MRGPRX3: variants seen among roughly 807,000 people sequenced by gnomAD.
The protein encoded by MRGPRX3 is MAS related GPR family member X3, also known as mas-related G protein-coupled receptor member X3.
A neutral mutation model predicts 16.5 loss-of-function variants in MRGPRX3; 14 were observed. The ratio of observed to expected loss-of-function variants is 0.85; its 90% CI spans 0.56 to 1.33. The LOEUF (loss-of-function observed/expected upper bound fraction) is 1.33, where lower values mean the gene tolerates loss of function less well. MRGPRX3 is among the 40% of genes most tolerant of loss of function. The pLI, the probability that MRGPRX3 is intolerant of heterozygous loss-of-function variation, is 0.00. For synonymous variants in MRGPRX3, 199 were observed against 180.1 expected (o/e 1.10, Z -0.84); for missense variants, 449 against 413.0 (o/e 1.09, Z -0.76).
At chr11:18,136,838 G>A (rs1849011264) in intron 1 of MRGPRX3, among the ~76,000 whole-genome samples, 1 of 152,200 alleles carries the variant, frequency 6.6e-6, no homozygotes, top group Non-Finnish European at 1.5e-5. Flanking sequence ...CCACCTCTTT[G>A]TGTATCTGAA....
Position 18,138,027 on chromosome 11 carries a change from G to A in MRGPRX3, c.825G>A (p.Val275=), listed in dbSNP as rs1199723958. The A allele has an allele frequency of 6.2e-7, 1 of 1,614,092 alleles. No homozygotes were observed. Among genetic ancestry groups the A allele is most frequent in the Non-Finnish European group, 8.5e-7 (1 of 1,180,024 alleles). Residue 275 remains valine (V), a synonymous_variant, in exon 2 of 2, where the codon GTG becomes GTA. Coordinates refer to ENST00000621697, the MANE Select transcript of MRGPRX3 (RefSeq NM_001370464.1). ...CCAACCCCATCATTTACTTCTTCGT[G>A]GGCTCCTTTAGGCAGCGTCAAAATA... ...SSANPIIYFF[V]GSFRQRQNRQ... is the part of the protein sequence containing the mutation.
intron 1 of MRGPRX3, among the ~76,000 whole-genome samples, chr11:18,136,814 T>C (rs1202327455): frequency 6.6e-6 from 1 of 152,216 alleles, no homozygotes; most frequent in African/African-American, 2.4e-5. Context: ...GTCCTGGTCA[T>C]GAGGGTGTCA....
upstream of MRGPRX3, among the ~76,000 whole-genome samples, chr11:18,130,712 A>AAT (rs1554906743): frequency 6.7e-6 from 1 of 148,200 alleles, no homozygotes; most frequent in Non-Finnish European, 1.5e-5. Context: ...AAAAAAAAAA[A>AAT]CCCGCATAGC....
rs1378458056 is a variant in MRGPRX3, at chr11:18,137,571, C to T, written c.369C>T (p.Ser123=). 6.2e-6 allele frequency: 10 copies of T among 1,614,052 alleles called. No individual in the cohort carries two copies. Among genetic ancestry groups the T allele is most frequent in the African/African-American group, 1.3e-5 (1 of 74,912 alleles). The change falls in exon 2 of 2, where the codon TCC becomes TCT. Residue 123 remains serine, a synonymous_variant. Coordinates refer to ENST00000621697, the MANE Select transcript of MRGPRX3 (RefSeq NM_001370464.1). ...LSAISTERCL[S]ILWPIWYHCR... is the part of the protein sequence containing the mutation. ...CCATCAGCACCGAGCGCTGCCTGTC[C>T]ATCCTGTGGCCCATCTGGTACCACT...
At position 18,138,216 on chromosome 11, in the gene MRGPRX3, G is replaced by T; in HGVS notation, c.*45G>T. 6.5e-7 allele frequency: 1 copy of T among 1,544,518 alleles called. No individual in the cohort carries two copies. Among genetic ancestry groups the T allele is most frequent in the Non-Finnish European group, 8.7e-7 (1 of 1,148,988 alleles). On this transcript the variant is annotated 3_prime_UTR_variant, in exon 2 of 2. Coordinates refer to ENST00000621697, the MANE Select transcript of MRGPRX3 (RefSeq NM_001370464.1). The stretch of plus-strand genomic sequence containing the variant: ...CAGACAGGACTTTGAGAGCAATGCT[G>T]CCCTGCCACCCTTGACAATTATATG...
chr11:18,132,010 C>T (rs188652403), upstream of MRGPRX3, among the ~76,000 whole-genome samples: 1 of 152,068 alleles, frequency 6.6e-6, no homozygotes, highest in Admixed American at 6.6e-5. Flanking sequence ...CACTAAAGAA[C>T]TTATCCATGG....
At chr11:18,121,363 C>G (rs771961315) in intron 1 of MRGPRX3, among the ~76,000 whole-genome samples, 2 of 150,518 alleles carry the variant, frequency 1.3e-5, no homozygotes, top group South Asian at 4.2e-4. Context: ...CCGCCCCGTC[C>G]GGGAGGTGAG....
intron 1 of MRGPRX3, among the ~76,000 whole-genome samples, chr11:18,133,421 C>T (rs1035976108): frequency 6.6e-6 from 1 of 152,228 alleles, no homozygotes; most frequent in African/African-American, 2.4e-5. Flanking sequence ...ACCAAAATCT[C>T]ATGTTGATTG....
At chr11:18,130,342 A>C (rs1347693183), upstream of MRGPRX3, among the ~76,000 whole-genome samples, 1 of 152,230 alleles carries the variant, frequency 6.6e-6, no homozygotes, top group African/African-American at 2.4e-5. Flanking sequence ...TTCAGGATAC[A>C]AACTAAATGT....
upstream of MRGPRX3, among the ~76,000 whole-genome samples, chr11:18,127,890 A>G (rs567701323): frequency 6.6e-6 from 1 of 151,976 alleles, no homozygotes; most frequent in Non-Finnish European, 1.5e-5. Context: ...TTTTTTCCCC[A>G]TCTTTGTGGT....
chr11:18,127,758 T>C (rs749894766), upstream of MRGPRX3, among the ~76,000 whole-genome samples: 16 of 152,236 alleles, frequency 1.1e-4, no homozygotes, highest in Non-Finnish European at 2.2e-4. Flanking sequence ...TCTGAAGGCT[T>C]CTTCTCTCAA....
intron 1 of MRGPRX3, among the ~76,000 whole-genome samples, chr11:18,122,757 G>T (rs968570918): frequency 6.6e-6 from 1 of 152,090 alleles, no homozygotes; most frequent in African/African-American, 2.4e-5. Context: ...TTGAGGAATC[G>T]CCACACTCTC....
intron 1 of MRGPRX3, among the ~76,000 whole-genome samples, chr11:18,125,559 T>C (rs1466551721): frequency 1.3e-5 from 2 of 148,310 alleles, no homozygotes; most frequent in Non-Finnish European, 3.0e-5. Flanking sequence ...AGAGAGAGTT[T>C]GTCGTGATTT....
chr11:18,135,574 G>T (rs1277980611), intron 1 of MRGPRX3, among the ~76,000 whole-genome samples: 1 of 152,146 alleles, frequency 6.6e-6, no homozygotes, highest in African/African-American at 2.4e-5. Context: ...AGGCAAAAAA[G>T]AACTCCTGAA....
At position 18,137,559 on chromosome 11, in the gene MRGPRX3, GC is replaced by G; in HGVS notation, c.358del (p.Arg120AlafsTer92). 1 of 1,614,142 alleles carries G rather than the reference GC, an allele frequency of 6.2e-7. No individual in the cohort carries two copies. The highest frequency in any genetic ancestry group is 8.5e-7 in the Non-Finnish European group (1 of 1,180,024). On this transcript the variant is annotated frameshift_variant, in exon 2 of 2. Coordinates refer to ENST00000621697, the MANE Select transcript of MRGPRX3 (RefSeq NM_001370464.1). LOFTEE classifies it high-confidence loss of function. ...LSMLSAISTERCLSILWPIWY... is the reference protein window; with the variant it reads ...LSMLSAISTEXCLSILWPIWY... ...GCATGCTGAGCGCCATCAGCACCGA[GC>G]GCTGCCTGTCCATCCTGTGGCCCAT...
At chr11:18,124,521 C>A (rs1848870894) in intron 1 of MRGPRX3, among the ~76,000 whole-genome samples, 1 of 152,212 alleles carries the variant, frequency 6.6e-6, no homozygotes, top group African/African-American at 2.4e-5. Context: ...ACCAGCCTTG[C>A]ATCCCAGGGA....
chr11:18,125,815 G>T (rs1442430897), intron 1 of MRGPRX3, among the ~76,000 whole-genome samples: 1 of 152,104 alleles, frequency 6.6e-6, no homozygotes, highest in Non-Finnish European at 1.5e-5. Context: ...ATTATTGTGT[G>T]GGAGTCTAAG....
intron 1 of MRGPRX3, chr11:18,121,269 C>T (rs1848831949): frequency 6.4e-6 from 1 of 157,376 alleles, no homozygotes; most frequent in Non-Finnish European, 1.4e-5. Context: ...CCGGCAGCCA[C>T]CCCGTCTGGG....
chr11:18,127,279 G>A (rs1848910473), intron 1 of MRGPRX3, among the ~76,000 whole-genome samples: 2 of 152,266 alleles, frequency 1.3e-5, no homozygotes, highest in East Asian at 1.9e-4. Context: ...GAGTATCTTT[G>A]TGGCATTCTC....
Sources: gnomAD v4.1 joint callset for allele counts (sites outside exome capture counted in the v4.1 genomes callset) on GRCh38, gnomAD v4.1.1 for gene constraint, MANE v1.5 for transcripts, NCBI Gene and HGNC (gene_info 2026-07-23, HGNC 2026-07-21) for gene names.